Variants in CEACAM18 observed in about 807,000 individuals in gnomAD.
CEACAM18 encodes CEA cell adhesion molecule 18.
A neutral mutation model predicts 34.3 loss-of-function variants in CEACAM18; 33 were observed. The ratio of observed to expected loss-of-function variants is 0.96; its 90% CI spans 0.73 to 1.29. The LOEUF is 1.29. CEACAM18 is among the 50% of genes most tolerant of loss of function. The pLI is 0.00. For synonymous variants in CEACAM18, 169 were observed against 180.9 expected (o/e 0.93, Z 0.53); for missense variants, 474 against 485.0 (o/e 0.98, Z 0.21).
At chr19:51,488,900 T>C (rs1990044739) in intron 5 of CEACAM18, among the ~76,000 whole-genome samples, 1 of 152,144 alleles carries the variant, frequency 6.6e-6, no homozygotes, top group Non-Finnish European at 1.5e-5. Context: ...ATTTTACGAC[T>C]ATCTTGATAT....
At position 51,480,812 on chromosome 19, in the gene CEACAM18, T is replaced by C. The variant is rs558800258; in HGVS notation, c.400+132T>C. ...AGCCGCCCTGGAATCTTGTGTACCA[T>C]GGACAGCTCCTGGGGGATCTGAGGG... On this transcript the variant is annotated intron_variant, in intron 2 of 5. Transcript: ENST00000396477. 2.7e-4 allele frequency: 222 copies of C among 807,616 alleles called. 1 individual carries two copies. The African/African-American group carries it at 3.4e-3, about 12-fold the overall frequency. 50.0% of individuals were successfully genotyped at this position (807,616 alleles called of 1,614,324 possible). A position where few individuals can be genotyped will look rare whatever the true frequency, so the allele number is the denominator to read the frequency against.
rs1471855958 is a variant in CEACAM18, at chr19:51,485,123, G to T, written c.1089+1G>T. 5.3e-6 allele frequency: 8 copies of T among 1,506,350 alleles called. No individual in the cohort carries two copies. In the South Asian group the frequency reaches 8.8e-5, roughly 17 times the overall value. 93.3% of individuals were successfully genotyped at this position (1,506,350 alleles called of 1,614,324 possible). A position where few individuals can be genotyped will look rare whatever the true frequency, so the allele number is the denominator to read the frequency against. On this transcript the variant is annotated splice_donor_variant, in intron 5 of 5. Transcript: ENST00000396477. LOFTEE classifies it high-confidence loss of function. ...CTCTGATCAACCACTACTCAATCAG[G>T]TGCCCTCATTGCTCTGGGACAAGGG...
chr19:51,480,884 T>C (rs377153348), intron 2 of CEACAM18, among the ~76,000 whole-genome samples: 45 of 152,262 alleles, frequency 3.0e-4, no homozygotes, highest in African/African-American at 1.1e-3. Context: ...GTCCTGTATT[T>C]GACAGTGGCT....
At chr19:51,487,901 A>G (rs1204085342) in intron 5 of CEACAM18, among the ~76,000 whole-genome samples, 2 of 152,224 alleles carry the variant, frequency 1.3e-5, no homozygotes, top group African/African-American at 2.4e-5. Context: ...TAAGTAAAAA[A>G]TCCAGCTCCT....
chr19:51,483,590 C>CTT (rs56221575), intron 4 of CEACAM18, among the ~76,000 whole-genome samples: 29,779 of 145,470 alleles, frequency 0.2, 3,040 homozygotes, highest in Middle Eastern at 0.35. Context: ...CTCACCATTT[C>CTT]TCTGGAGTAA....
intron 5 of CEACAM18, among the ~76,000 whole-genome samples, chr19:51,486,908 G>A (rs1444003756): frequency 6.7e-6 from 1 of 150,010 alleles, no homozygotes; most frequent in Non-Finnish European, 1.5e-5. Flanking sequence ...TTTTTTAGTA[G>A]AGACGGGGTT....
chr19:51,483,820 T>G (rs1470269850), intron 4 of CEACAM18, among the ~76,000 whole-genome samples: 1 of 152,220 alleles, frequency 6.6e-6, no homozygotes, highest in Non-Finnish European at 1.5e-5. Context: ...AGTAGAGATT[T>G]GGCATGGCCA....
chr19:51,480,604 T>C, exon 2 of CEACAM18: 5 of 1,613,918 alleles, frequency 3.1e-6, no homozygotes, highest in Non-Finnish European at 4.2e-6. Flanking sequence ...CTGCATTAAA[T>C]GACACGGGAA....
intron 1 of CEACAM18, 35 bp downstream of exon 1, chr19:51,478,729 G>A (rs769838874): frequency 1.5e-6 from 2 of 1,345,572 alleles, no homozygotes; most frequent in African/African-American, 1.5e-5. Flanking sequence ...AGCTTCCCAG[G>A]ACTGAGGGAA....
chr19:51,478,776 G>T, intron 1 of CEACAM18, 82 bp downstream of exon 1: 8 of 1,022,426 alleles, frequency 7.8e-6, no homozygotes, highest in Non-Finnish European at 1.0e-5. Flanking sequence ...AGGGGGCTGG[G>T]ACCATCCCCA....
exon 4 of CEACAM18, chr19:51,483,200 T>C: frequency 1.9e-6 from 3 of 1,614,020 alleles, no homozygotes; most frequent in Non-Finnish European, 2.5e-6. Flanking sequence ...CTCTCGAGTC[T>C]TGCCTGGGAG....
intron 3 of CEACAM18, among the ~76,000 whole-genome samples, chr19:51,482,074 A>G (rs1315839691): frequency 6.6e-6 from 1 of 152,212 alleles, no homozygotes; most frequent in African/African-American, 2.4e-5. Context: ...AATTTAGTAT[A>G]GTCCCTGTCA....
At chr19:51,479,241 C>T (rs900365386) in intron 1 of CEACAM18, among the ~76,000 whole-genome samples, 4 of 152,200 alleles carry the variant, frequency 2.6e-5, no homozygotes, top group South Asian at 2.1e-4. Flanking sequence ...GGCCTAGAGC[C>T]GGGGTCTCAG....
At position 51,486,710 on chromosome 19, in the gene CEACAM18, C is replaced by CTTTT. The variant is rs1327201659; in HGVS notation, c.1089+1591_1089+1592insTTTT. On this transcript the variant is annotated intron_variant, in intron 5 of 5. Transcript: ENST00000396477. ...TTTTCTTTTTTCTTTTTCTTTCTTT[C>CTTTT]TTTCTTTTCTTTCTTTTTTTTTTTT... Among the ~76,000 whole-genome samples the CTTTT allele has an allele frequency of 6.2e-5, 9 of 144,432 alleles. 1 individual carries two copies. Among genetic ancestry groups the CTTTT allele is most frequent in the African/African-American group, 1.8e-4 (7 of 38,412 alleles). 94.8% of individuals were successfully genotyped at this position (144,432 alleles called of 152,430 possible).
chr19:51,479,423 A>G (rs1989869845), intron 1 of CEACAM18, among the ~76,000 whole-genome samples: 1 of 152,162 alleles, frequency 6.6e-6, no homozygotes, highest in Non-Finnish European at 1.5e-5. Flanking sequence ...TCACCCAGAC[A>G]ATCATTACTG....
chr19:51,483,345 C>T (rs867945561), intron 4 of CEACAM18, 49 bp downstream of exon 4: 1 of 1,605,626 alleles, frequency 6.2e-7, no homozygotes, highest in Non-Finnish European at 8.5e-7. Flanking sequence ...TCCCTGCCTC[C>T]ATGCCCTGCT....
exon 3 of CEACAM18, chr19:51,481,466 C>T (rs747542179): frequency 1.4e-5 from 22 of 1,613,880 alleles, no homozygotes; most frequent in Non-Finnish European, 1.5e-5. Context: ...TGGCTGCTGA[C>T]TGCCTCACAA....
intron 5 of CEACAM18, among the ~76,000 whole-genome samples, chr19:51,489,396 A>G (rs1990053125): frequency 6.6e-6 from 1 of 151,524 alleles, no homozygotes; most frequent in Non-Finnish European, 1.5e-5. Context: ...TCCCCAAAAG[A>G]TCACCCTGGA....
intron 5 of CEACAM18, among the ~76,000 whole-genome samples, chr19:51,485,567 C>A (rs967254542): frequency 6.6e-6 from 1 of 152,184 alleles, no homozygotes; most frequent in Non-Finnish European, 1.5e-5. Context: ...AGCTCTGCTA[C>A]CTGTAGGCTA....
Sources: allele counts gnomAD v4.1 joint callset (sites outside exome capture counted in the v4.1 genomes callset), GRCh38; gene constraint gnomAD v4.1.1; transcripts MANE v1.5; gene names NCBI Gene and HGNC (gene_info 2026-07-23, HGNC 2026-07-21).